Variants in ZNF451 observed in about 807,000 individuals in gnomAD.
ZNF451 encodes zinc finger protein 451, also known as E3 SUMO-protein ligase ZNF451.
A neutral mutation model predicts 107.1 loss-of-function variants in ZNF451; 80 were observed. The observed-to-expected ratio is 0.75, with a 90% CI of 0.62 to 0.90. The LOEUF (loss-of-function observed/expected upper bound fraction) is 0.90. Among genes scored for constraint, ZNF451 ranks in the 40% least tolerant of loss-of-function variants. The probability of loss-of-function intolerance (pLI) is 0.00; values close to 1 mark genes in which losing one functional copy is unlikely to be tolerated. For synonymous variants in ZNF451, 362 were observed against 406.5 expected (o/e 0.89, Z 1.32); for missense variants, 1,107 against 1,236.2 (o/e 0.90, Z 1.57).
At chr6:57,095,355 G>C (rs1028540761) in intron 2 of ZNF451, among the ~76,000 whole-genome samples, 1 of 130,622 alleles carries the variant, frequency 7.7e-6, no homozygotes, top group Non-Finnish European at 1.6e-5. Context: ...TTTTTAAAGA[G>C]ATAGGGTCTC....
Position 57,104,858 on chromosome 6 carries a change from T to C in ZNF451, c.186+5717T>C, listed in dbSNP as rs539069702. The C allele has an allele frequency of 1.0e-3, 1,028 of 985,396 alleles. 3 individuals are homozygous for C. The highest frequency in any genetic ancestry group is 1.2e-3 in the Non-Finnish European group (979 of 829,904). 61.0% of individuals were successfully genotyped at this position (985,396 alleles called of 1,614,324 possible). A position where few individuals can be genotyped will look rare whatever the true frequency, so the allele number is the denominator to read the frequency against. On this transcript the variant is annotated intron_variant, in intron 3 of 14. Coordinates refer to ENST00000370706, the MANE Select transcript of ZNF451 (RefSeq NM_001031623.3). ...CTGTTTTCCTGGAAGTGTAAAGGTA[T>C]TGGGAAATTATCAAATTGGTGACCA...
At chr6:57,092,073 C>G (rs945592127) in intron 2 of ZNF451, among the ~76,000 whole-genome samples, 2 of 152,090 alleles carry the variant, frequency 1.3e-5, no homozygotes, top group African/African-American at 4.8e-5. Flanking sequence ...TGTTTAATAA[C>G]AGGTTTCCAT....
rs984664225 is a variant in ZNF451 at position 57,102,456 on chromosome 6, G to A, written c.186+3315G>A. ...CAGGAAAATCTTATTTGTAAACTGAGGACTAGCAGATTTTGAATCTAGAAA... is the reference window on the plus strand; with the variant it reads ...CAGGAAAATCTTATTTGTAAACTGAAGACTAGCAGATTTTGAATCTAGAAA... On this transcript the variant is annotated intron_variant, in intron 3 of 14. Coordinates refer to ENST00000370706, the MANE Select transcript of ZNF451 (RefSeq NM_001031623.3). 6 of 1,000,088 alleles carry A rather than the reference G, an allele frequency of 6.0e-6. No homozygotes were observed. In the African/African-American group the frequency reaches 8.7e-5, roughly 14 times the overall value. The allele number at this position is 1,000,088 out of a possible 1,614,324, so 62.0% of individuals were successfully genotyped here.
chr6:57,102,761 A>G (rs765925538), intron 3 of ZNF451: 11 of 985,326 alleles, frequency 1.1e-5, no homozygotes, highest in South Asian at 4.7e-5. Flanking sequence ...TCGCAGGTCT[A>G]TTATGGACAC....
At chr6:57,099,010 T>G (rs1829457848) in intron 2 of ZNF451, 51 bp from the exon 3 acceptor site, 1 of 1,456,316 alleles carries the variant, frequency 6.9e-7, no homozygotes, top group Non-Finnish European at 9.6e-7. Context: ...TAAATGCTAA[T>G]TTGGTTTGAA....
Position 57,150,758 on chromosome 6 carries a change from G to A in ZNF451, c.2648G>A (p.Arg883Gln), listed in dbSNP as rs746911982. The change falls in exon 11 of 15, where the codon CGA (arginine) becomes CAA (glutamine). Residue 883 changes from arginine to glutamine, a missense_variant. By Grantham distance (43) the Arg-to-Gln change is conservative (BLOSUM62 1). Transcript: ENST00000370706. ...IVELPDLDYLRTMTHIVFVDF... is the reference protein window; with the variant it reads ...IVELPDLDYLQTMTHIVFVDF... The stretch of plus-strand genomic sequence containing the variant: ...GAGCTTCCAGATTTGGATTACCTGC[G>A]AACCATGACTCATATAGTCTTTGTA... 2.5e-6 allele frequency: 4 copies of A among 1,610,476 alleles called. No individual in the cohort carries two copies. Among genetic ancestry groups the A allele is most frequent in the Non-Finnish European group, 2.5e-6 (3 of 1,178,476 alleles).
rs753972591 is a variant in ZNF451, at chr6:57,103,680, TC to T, written c.186+4540del. 2.0e-3 allele frequency: 1,937 copies of T among 985,362 alleles called. 2 individuals are homozygous for T. Among genetic ancestry groups the T allele is most frequent in the Non-Finnish European group, 2.2e-3 (1,796 of 829,906 alleles). 61.0% of individuals were successfully genotyped at this position (985,362 alleles called of 1,614,324 possible). On this transcript the variant is annotated intron_variant, in intron 3 of 14. Transcript: ENST00000370706. ...TATTGACAGACTTAATTCTGTAACT[TC>T]TGCGTTTTTTCATCTGCTTGATCAA...
intron 7 of ZNF451, 108 bp from the exon 8 acceptor site, chr6:57,141,194 A>G (rs556356936): frequency 9.1e-6 from 8 of 883,614 alleles, no homozygotes; most frequent in South Asian, 3.3e-5. Context: ...TTAAAAATTG[A>G]TACAGGATAT....
chr6:57,102,186 G>C, intron 3 of ZNF451: 1 of 1,428,168 alleles, frequency 7.0e-7, no homozygotes. Flanking sequence ...ACAGGTAGGA[G>C]ATCATCTCAA....
chr6:57,147,614 C>G lies in ZNF451; in HGVS notation c.1529C>G (p.Ser510Ter). The change falls in exon 10 of 15, where the codon TCA becomes TGA. Residue 510 changes from serine to a stop codon, truncating the protein, a stop_gained. Coordinates refer to ENST00000370706, the MANE Select transcript of ZNF451 (RefSeq NM_001031623.3). LOFTEE classifies it high-confidence loss of function. ...CVVCGKVCDDSGVIRLHMSRI... is the reference protein window; with the variant it reads ...CVVCGKVCDD ...GTCTGTGGAAAGGTATGTGATGATT[C>G]AGGGGTCATTCGTTTACACATGAGC... The G allele has an allele frequency of 6.2e-7, 1 of 1,614,060 alleles. No homozygotes were observed. Among genetic ancestry groups the G allele is most frequent in the Non-Finnish European group, 8.5e-7 (1 of 1,179,974 alleles).
At chr6:57,113,345 C>T (rs1287222823) in intron 3 of ZNF451, among the ~76,000 whole-genome samples, 4 of 151,414 alleles carry the variant, frequency 2.6e-5, no homozygotes, top group Non-Finnish European at 5.9e-5. Context: ...TATAGTAGTC[C>T]GTCGTGTATA....
At chr6:57,143,852 G>C (rs1370483228) in intron 9 of ZNF451, among the ~76,000 whole-genome samples, 3 of 151,990 alleles carry the variant, frequency 2.0e-5, no homozygotes, top group African/African-American at 7.3e-5. Flanking sequence ...TCCATACAAG[G>C]GAATATTATT....
chr6:57,130,404 G>A (rs1156264457), intron 5 of ZNF451, among the ~76,000 whole-genome samples: 1 of 152,128 alleles, frequency 6.6e-6, no homozygotes, highest in Non-Finnish European at 1.5e-5. Flanking sequence ...GACTAGCTCA[G>A]TGGTGTCATC....
chr6:57,162,576 C>T (rs1243047213), intron 14 of ZNF451, among the ~76,000 whole-genome samples: 1 of 152,034 alleles, frequency 6.6e-6, no homozygotes, highest in Non-Finnish European at 1.5e-5. Context: ...AATGAAAGAA[C>T]TTTTGTGCGT....
chr6:57,168,079 C>T (rs1226894019), intron 14 of ZNF451, among the ~76,000 whole-genome samples: 1 of 152,026 alleles, frequency 6.6e-6, no homozygotes, highest in Non-Finnish European at 1.5e-5. Flanking sequence ...ATATGTATCA[C>T]CTCAAGTCTT....
intron 3 of ZNF451, among the ~76,000 whole-genome samples, chr6:57,113,438 A>C (rs1830203791): frequency 6.6e-6 from 1 of 151,952 alleles, no homozygotes; most frequent in African/African-American, 2.4e-5. Context: ...CACTCCATTA[A>C]TTCCGCATTC....
intron 3 of ZNF451, among the ~76,000 whole-genome samples, chr6:57,120,288 G>T (rs1333077470): frequency 3.3e-5 from 5 of 152,094 alleles, no homozygotes; most frequent in Non-Finnish European, 5.9e-5. Context: ...ATGTTCTATT[G>T]TCTGAATATA....
At chr6:57,152,082 A>T in intron 11 of ZNF451, 139 bp from the exon 12 acceptor site, 1 of 640,216 alleles carries the variant, frequency 1.6e-6, no homozygotes. Context: ...TGCTTATGCT[A>T]GGATGGAGTT....
Position 57,108,890 on chromosome 6 carries a change from G to A in ZNF451, c.186+9749G>A, listed in dbSNP as rs561094437. ...TTAAGTCATTAAGCAACTTGCTCAG[G>A]TGGTGGAACTGAGCTTTAAATATGG... On this transcript the variant is annotated intron_variant, in intron 3 of 14. Coordinates refer to ENST00000370706, the MANE Select transcript of ZNF451 (RefSeq NM_001031623.3). The A allele has an allele frequency of 9.2e-5, 91 of 985,426 alleles. No individual in the cohort carries two copies. The Admixed American group carries it at 2.0e-3, about 22-fold the overall frequency. The allele number at this position is 985,426 out of a possible 1,614,324, so 61.0% of individuals were successfully genotyped here.
Sources: allele counts gnomAD v4.1 joint callset (sites outside exome capture counted in the v4.1 genomes callset), GRCh38; gene constraint gnomAD v4.1.1; transcripts MANE v1.5; gene names NCBI Gene and HGNC (gene_info 2026-07-23, HGNC 2026-07-21).